The following PARD3 variants were observed in gnomAD, a reference collection of about 807,000 sequenced individuals.
PARD3 encodes the protein par-3 family cell polarity regulator.
PARD3 carries 75 observed loss-of-function variants against 155.4 expected under a neutral mutation model. The observed-to-expected ratio is 0.48, with a 90% confidence interval of 0.40 to 0.58. The LOEUF (loss-of-function observed/expected upper bound fraction) is 0.58, where lower values mean the gene tolerates loss of function less well. Among genes scored for constraint, PARD3 ranks in the 20% least tolerant of loss-of-function variants. PARD3 has a pLI of 0.00. For synonymous variants in PARD3, 576 were observed against 610.5 expected, an observed-to-expected ratio of 0.94 and a Z score of 0.83; for missense variants, 1,642 against 1,721.7, an observed-to-expected ratio of 0.95 and a Z score of 0.82.
intron 16 of PARD3, 63 bp from the exon 17 acceptor site, chr10:34,337,489 G>A (rs1213216805): frequency 9.1e-7 from 1 of 1,102,294 alleles, no homozygotes. Context: ...CCATTTTAGG[G>A]AGGTTCATAC....
At chr10:34,622,023 G>A (rs116812384) in intron 2 of PARD3, among the ~76,000 whole-genome samples, 2,387 of 152,230 alleles carry the variant, frequency 0.016, 59 homozygotes, top group African/African-American at 0.055. Context: ...AAATTCAGTA[G>A]AAGAACCAGC....
At chr10:34,574,404 C>T (rs897995791) in intron 2 of PARD3, among the ~76,000 whole-genome samples, 2 of 152,160 alleles carry the variant, frequency 1.3e-5, no homozygotes, top group African/African-American at 4.8e-5. Context: ...TTCCTGTGTC[C>T]TCCAGGCCTC....
intron 2 of PARD3, among the ~76,000 whole-genome samples, chr10:34,677,630 G>C (rs897409165): frequency 6.6e-6 from 1 of 152,124 alleles, no homozygotes; most frequent in African/African-American, 2.4e-5. Context: ...AAACTGGCCA[G>C]AATCAGTATC....
intron 12 of PARD3, among the ~76,000 whole-genome samples, chr10:34,360,561 A>AT (rs2134501194): frequency 6.6e-6 from 1 of 152,300 alleles, no homozygotes; most frequent in South Asian, 2.1e-4. Context: ...AGAGTTCGGG[A>AT]TTTTTTTGGT....
At chr10:34,260,305 C>A (rs771725199) in intron 22 of PARD3, among the ~76,000 whole-genome samples, 5 of 152,180 alleles carry the variant, frequency 3.3e-5, no homozygotes, top group Admixed American at 6.5e-5. Flanking sequence ...GTATGGTAGA[C>A]ATTAACATGT....
rs182780884 is a variant in PARD3 at position 34,625,058 on chromosome 10, C to A, written c.222+71260G>T. ...CTCAACTGCTCAGCTTCCACAGGGA[C>A]CTTCTTCCATATAACTGATTTGGGG... On this transcript the variant is annotated intron_variant, in intron 2 of 24. Transcript: ENST00000374788. Among the ~76,000 whole-genome samples, 745 of 152,288 alleles carry A rather than the reference C, an allele frequency of 4.9e-3. 1 individual carries two copies. The highest frequency in any genetic ancestry group is 8.6e-3 in the Non-Finnish European group (584 of 68,036).
At chr10:34,585,523 T>G (rs981249064) in intron 2 of PARD3, among the ~76,000 whole-genome samples, 1 of 147,338 alleles carries the variant, frequency 6.8e-6, no homozygotes, top group Admixed American at 6.9e-5. Flanking sequence ...TTTTTCTAAT[T>G]TTTCTTTTTT....
chr10:34,511,971 T>C (rs1176832994), intron 3 of PARD3, among the ~76,000 whole-genome samples: 1 of 152,162 alleles, frequency 6.6e-6, no homozygotes, highest in East Asian at 1.9e-4. Flanking sequence ...TTTGAACAGT[T>C]TTCCAAATAA....
At chr10:34,408,510 A>G (rs1430758622) in intron 5 of PARD3, among the ~76,000 whole-genome samples, 2 of 152,304 alleles carry the variant, frequency 1.3e-5, no homozygotes, top group South Asian at 2.1e-4. Flanking sequence ...TTGATGAAAA[A>G]TAATTCCAAA....
At position 34,605,180 on chromosome 10, in the gene PARD3, A is replaced by ATTTTTTTTTTTTTTTT. The variant is rs750688603; in HGVS notation, c.223-88037_223-88022dup. 1.8e-4 allele frequency among the ~76,000 whole-genome samples: 11 copies of ATTTTTTTTTTTTTTTT among 62,482 alleles called. 1 individual carries two copies. Among genetic ancestry groups the ATTTTTTTTTTTTTTTT allele is most frequent in the African/African-American group, 6.1e-4 (11 of 18,114 alleles). 41.0% of individuals were successfully genotyped at this position (62,482 alleles called of 152,430 possible). ...TGATCTGAAACAGCCCCAAAATGAA[A>ATTTTTTTTTTTTTTTT]TTTTTTTTTTTTTTTTTTTTTTTTT... On this transcript the variant is annotated intron_variant, in intron 2 of 24. Coordinates refer to ENST00000374788, the MANE Select transcript of PARD3 (RefSeq NM_001184785.2).
At chr10:34,612,113 A>T (rs1279010878) in intron 2 of PARD3, among the ~76,000 whole-genome samples, 1 of 151,990 alleles carries the variant, frequency 6.6e-6, no homozygotes, top group Non-Finnish European at 1.5e-5. Flanking sequence ...GGCGTGAGCC[A>T]CCGTGCCCAG....
chr10:34,630,945 G>T (rs1227148019), intron 2 of PARD3, among the ~76,000 whole-genome samples: 1 of 151,786 alleles, frequency 6.6e-6, no homozygotes, highest in Non-Finnish European at 1.5e-5. Context: ...TTCCCAAGTG[G>T]CTGGGGCTAC....
At chr10:34,639,431 T>C (rs1400270684) in intron 2 of PARD3, among the ~76,000 whole-genome samples, 1 of 151,214 alleles carries the variant, frequency 6.6e-6, no homozygotes, top group Admixed American at 6.6e-5. Context: ...AAAAAACACG[T>C]TTTTAAACAA....
intron 5 of PARD3, among the ~76,000 whole-genome samples, chr10:34,402,929 T>C (rs1844051337): frequency 6.6e-6 from 1 of 152,186 alleles, no homozygotes; most frequent in Non-Finnish European, 1.5e-5. Flanking sequence ...CTATTATTAA[T>C]AGTTAAAAGT....
At chr10:34,141,218 C>G (rs531953808) in intron 22 of PARD3, among the ~76,000 whole-genome samples, 18 of 152,234 alleles carry the variant, frequency 1.2e-4, no homozygotes, top group African/African-American at 4.1e-4. Flanking sequence ...GTGAAATTAA[C>G]TACTTAGGAA....
intron 2 of PARD3, among the ~76,000 whole-genome samples, chr10:34,580,521 G>A (rs566587146): frequency 6.6e-6 from 1 of 152,240 alleles, no homozygotes; most frequent in African/African-American, 2.4e-5. Flanking sequence ...GTGACAGAGC[G>A]AGATCCTGTC....
At chr10:34,445,567 T>C (rs2132710274) in intron 5 of PARD3, among the ~76,000 whole-genome samples, 1 of 152,290 alleles carries the variant, frequency 6.6e-6, no homozygotes, top group Middle Eastern at 3.4e-3. Context: ...CAGAAGCAAA[T>C]CAAAGCTCGG....
At chr10:34,774,521 GA>G (rs769328743) in intron 1 of PARD3, among the ~76,000 whole-genome samples, 1 of 152,014 alleles carries the variant, frequency 6.6e-6, no homozygotes, top group Admixed American at 6.5e-5. Context: ...GATGTTGCAT[GA>G]AAAAAATACA....
intron 2 of PARD3, among the ~76,000 whole-genome samples, chr10:34,602,418 T>C (rs1412179067): frequency 6.6e-6 from 1 of 152,192 alleles, no homozygotes; most frequent in East Asian, 1.9e-4. Flanking sequence ...TGAATGAAAA[T>C]ACAAAATTTG....
Sources: gnomAD v4.1 joint callset for allele counts (sites outside exome capture counted in the v4.1 genomes callset) on GRCh38, gnomAD v4.1.1 for gene constraint, MANE v1.5 for transcripts, NCBI Gene and HGNC (gene_info 2026-07-23, HGNC 2026-07-21) for gene names.